Variants in FHIT observed in about 807,000 individuals in gnomAD.
FHIT encodes fragile histidine triad diadenosine triphosphatase, also known as bis(5'-adenosyl)-triphosphatase.
Under a neutral mutation model 17.9 loss-of-function variants are expected in FHIT, and 19 were observed. The observed-to-expected ratio is 1.06, with a 90% CI of 0.74 to 1.56. The LOEUF (loss-of-function observed/expected upper bound fraction) is 1.56, where lower values mean the gene tolerates loss of function less well. FHIT is among the 40% of genes most tolerant of loss of function. FHIT has a pLI of 0.00. For synonymous variants in FHIT, 81 were observed against 69.7 expected (o/e 1.16, Z -0.81); for missense variants, 248 against 189.2 (o/e 1.31, Z -1.82).
chr3:59,835,547 G>C (rs569892887), intron 8 of FHIT, among the ~76,000 whole-genome samples: 180 of 152,090 alleles, frequency 1.2e-3, no homozygotes, highest in Non-Finnish European at 2.2e-3. Flanking sequence ...CTTGTTCTAG[G>C]AGTAGATGTG....
At chr3:59,965,268 A>G (rs62240090) in intron 7 of FHIT, among the ~76,000 whole-genome samples, 13,345 of 152,212 alleles carry the variant, frequency 0.088, 830 homozygotes, top group South Asian at 0.15. Context: ...GTTCATAGAA[A>G]ATATAGTGTA....
intron 4 of FHIT, among the ~76,000 whole-genome samples, chr3:60,704,363 A>G (rs891396145): frequency 6.6e-6 from 1 of 152,198 alleles, no homozygotes; most frequent in Non-Finnish European, 1.5e-5. Flanking sequence ...ACAAAATTTT[A>G]AAAAGAATTA....
intron 8 of FHIT, among the ~76,000 whole-genome samples, chr3:59,821,489 C>G (rs1397193294): frequency 1.3e-5 from 2 of 152,128 alleles, no homozygotes; most frequent in Non-Finnish European, 2.9e-5. Flanking sequence ...AAACCCACCC[C>G]CTGGGAAATG....
At position 60,501,745 on chromosome 3, in the gene FHIT, G is replaced by A. The variant is rs370087017; in HGVS notation, c.103+35115C>T. On this transcript the variant is annotated intron_variant, in intron 5 of 9. Coordinates refer to ENST00000492590, the MANE Select transcript of FHIT (RefSeq NM_002012.4). ...ATATATCCACATTAAGAAATACCAA[G>A]TAGCTATCAACTTTTGGAACCACTA... Among the ~76,000 whole-genome samples, 54 of 152,302 alleles carry A rather than the reference G, an allele frequency of 3.5e-4. No homozygotes were observed. In the East Asian group the frequency reaches 8.5e-3, roughly 24 times the overall value.
At chr3:60,100,006 C>G (rs769700355) in intron 5 of FHIT, among the ~76,000 whole-genome samples, 1 of 152,162 alleles carries the variant, frequency 6.6e-6, no homozygotes, top group Admixed American at 6.5e-5. Flanking sequence ...TCAGGAACAA[C>G]AGTCACAGTT....
intron 1 of FHIT, among the ~76,000 whole-genome samples, chr3:61,225,697 G>T (rs1226249831): frequency 6.6e-6 from 1 of 152,208 alleles, no homozygotes; most frequent in Non-Finnish European, 1.5e-5. Flanking sequence ...GGAAGTTAGA[G>T]TACTTTAGAG....
At chr3:60,105,524 T>C (rs1704370669) in intron 5 of FHIT, among the ~76,000 whole-genome samples, 1 of 152,202 alleles carries the variant, frequency 6.6e-6, no homozygotes, top group South Asian at 2.1e-4. Flanking sequence ...CAACCTTTTA[T>C]GCCTACTTTA....
chr3:60,666,765 T>TA (rs1302859709), intron 4 of FHIT, among the ~76,000 whole-genome samples: 38 of 152,100 alleles, frequency 2.5e-4, no homozygotes, highest in African/African-American at 8.9e-4. Flanking sequence ...CTTGACCTCA[T>TA]AGGTGCAAGA....
At chr3:60,245,628 G>A (rs184508175) in intron 5 of FHIT, among the ~76,000 whole-genome samples, 1 of 152,042 alleles carries the variant, frequency 6.6e-6, no homozygotes, top group East Asian at 1.9e-4. Flanking sequence ...GGATGATATA[G>A]TCATTTGTAA....
At chr3:61,149,199 G>A (rs17637725) in intron 2 of FHIT, among the ~76,000 whole-genome samples, 15,607 of 152,156 alleles carry the variant, frequency 0.1, 902 homozygotes, top group South Asian at 0.21. Flanking sequence ...TGGACCAGTG[G>A]ATGGCAGAGT....
chr3:60,422,671 C>A (rs241693), intron 5 of FHIT, among the ~76,000 whole-genome samples: 1 of 151,890 alleles, frequency 6.6e-6, no homozygotes, highest in African/African-American at 2.4e-5. Context: ...GCTTTCATTT[C>A]GTAATGGAGA....
At chr3:60,947,418 T>C (rs1353624554) in intron 3 of FHIT, among the ~76,000 whole-genome samples, 1 of 152,238 alleles carries the variant, frequency 6.6e-6, no homozygotes, top group African/African-American at 2.4e-5. Flanking sequence ...TGGCTATCTA[T>C]ATCTAACAAA....
chr3:60,066,718 A>G (rs1256786909), intron 5 of FHIT, among the ~76,000 whole-genome samples: 2 of 129,400 alleles, frequency 1.5e-5, no homozygotes, highest in Admixed American at 1.0e-4. Flanking sequence ...GTGCAGAGGC[A>G]CGATCTCGGC....
At chr3:60,170,669 C>A (rs528264791) in intron 5 of FHIT, among the ~76,000 whole-genome samples, 1 of 152,028 alleles carries the variant, frequency 6.6e-6, no homozygotes, top group Admixed American at 6.6e-5. Flanking sequence ...AAAATCAAAG[C>A]AGGTTTCTCC....
intron 5 of FHIT, among the ~76,000 whole-genome samples, chr3:60,235,802 A>C (rs1158037823): frequency 2.0e-5 from 3 of 152,296 alleles, no homozygotes; most frequent in East Asian, 3.9e-4. Context: ...TAGTTCTCAC[A>C]GGAAGGTTCA....
intron 5 of FHIT, among the ~76,000 whole-genome samples, chr3:60,320,525 C>CTGTT (rs529306366): frequency 7.4e-4 from 112 of 152,272 alleles, no homozygotes; most frequent in African/African-American, 2.6e-3. Flanking sequence ...GCATCTTACT[C>CTGTT]TGTTTTAATT....
At chr3:59,853,114 G>A (rs922486398) in intron 8 of FHIT, among the ~76,000 whole-genome samples, 15 of 152,154 alleles carry the variant, frequency 9.9e-5, no homozygotes, top group African/African-American at 3.6e-4. Context: ...ATTCCAAAGA[G>A]GCTGTAATAT....
intron 8 of FHIT, among the ~76,000 whole-genome samples, chr3:59,797,385 C>T (rs1461138000): frequency 1.3e-5 from 2 of 152,080 alleles, no homozygotes; most frequent in African/African-American, 4.8e-5. Context: ...TGGGGTTTTA[C>T]TATGTTGGCC....
At chr3:60,743,372 T>C (rs973113766) in intron 4 of FHIT, among the ~76,000 whole-genome samples, 2 of 152,204 alleles carry the variant, frequency 1.3e-5, no homozygotes, top group South Asian at 2.1e-4. Context: ...GGTCAATAGA[T>C]GTTGAACTGC....
Sources: allele counts gnomAD v4.1 joint callset (sites outside exome capture counted in the v4.1 genomes callset), GRCh38; gene constraint gnomAD v4.1.1; transcripts MANE v1.5; gene names NCBI Gene and HGNC (gene_info 2026-07-23, HGNC 2026-07-21).